SLC35F4: variants seen among roughly 807,000 people sequenced by gnomAD.
SLC35F4 encodes solute carrier family 35 member F4.
Under a neutral mutation model 44.2 loss-of-function variants are expected in SLC35F4, and 24 were observed. That is an observed-to-expected ratio of 0.54 (90% CI 0.39 to 0.76). SLC35F4 has a LOEUF of 0.76. Among genes scored for constraint, SLC35F4 ranks in the 30% least tolerant of loss-of-function variants. SLC35F4 has a pLI of 0.00. For missense variants in SLC35F4, 562 were observed against 586.1 expected (o/e 0.96, Z 0.42); for synonymous variants, 238 against 223.6 (o/e 1.06, Z -0.57).
Position 57,622,063 on chromosome 14 carries a change from A to T in SLC35F4, c.104-27939T>A, listed in dbSNP as rs965627999. On this transcript the variant is annotated intron_variant, in intron 1 of 7. Transcript: ENST00000556826. ...ATTTATGCAGCCAAAAAACACATGA[A>T]AAAATGCTCGCCATCACTGGCCATC... Among the ~76,000 whole-genome samples, 13 of 149,410 alleles carry T rather than the reference A, an allele frequency of 8.7e-5. 1 individual carries two copies. The highest frequency in any genetic ancestry group is 5.4e-4 in the Admixed American group (8 of 14,892).
At chr14:57,790,629 A>C (rs767416638) in intron 1 of SLC35F4, among the ~76,000 whole-genome samples, 2 of 152,190 alleles carry the variant, frequency 1.3e-5, no homozygotes, top group South Asian at 4.1e-4. Flanking sequence ...GAATTGGAAA[A>C]AACTACTTTA....
rs11847197 is a variant in SLC35F4, at chr14:57,960,128, A to G, written n.282+21785T>C. On this transcript the variant is annotated intron_variant and non_coding_transcript_variant, in intron 1 of 1. Transcript: ENST00000556568. ...AATGAGAATAGTTACCTTCTAGGAT[A>G]ACATGGTAAGGGTTATGTGTGAGCC... is the stretch of plus-strand genomic sequence containing the variant. Among the ~76,000 whole-genome samples the G allele has an allele frequency of 3.3e-3, 501 of 152,324 alleles. 3 individuals carry two copies. Among genetic ancestry groups the G allele is most frequent in the African/African-American group, 0.012 (482 of 41,560 alleles).
At chr14:57,608,214 C>T (rs2071279267) in intron 1 of SLC35F4, among the ~76,000 whole-genome samples, 2 of 152,144 alleles carry the variant, frequency 1.3e-5, no homozygotes, top group African/African-American at 4.8e-5. Context: ...CACTCTCCCT[C>T]CCCTCCGTCA....
At chr14:57,864,633 A>G (rs910125749) in intron 1 of SLC35F4, among the ~76,000 whole-genome samples, 12 of 152,230 alleles carry the variant, frequency 7.9e-5, no homozygotes, top group African/African-American at 2.7e-4. Flanking sequence ...CAGAAACTGT[A>G]ATGTTGATTG....
At chr14:57,631,439 T>C (rs1050641808) in intron 1 of SLC35F4, among the ~76,000 whole-genome samples, 33 of 152,154 alleles carry the variant, frequency 2.2e-4, no homozygotes, top group Non-Finnish European at 1.5e-4. Flanking sequence ...GATCATAATG[T>C]TGCTTAGTTT....
intron 1 of SLC35F4, among the ~76,000 whole-genome samples, chr14:57,652,168 A>G (rs62003994): frequency 0.068 from 10,383 of 152,320 alleles, 469 homozygotes; most frequent in South Asian, 0.096. Flanking sequence ...AACTTCATAC[A>G]TAAGTATGGA....
At chr14:57,928,000 T>A (rs1035403029) in intron 1 of SLC35F4, among the ~76,000 whole-genome samples, 1 of 151,966 alleles carries the variant, frequency 6.6e-6, no homozygotes, top group Non-Finnish European at 1.5e-5. Context: ...CATTTAAATT[T>A]GTGATGAAAG....
At chr14:57,924,872 C>T (rs771580458) in intron 1 of SLC35F4, among the ~76,000 whole-genome samples, 1 of 151,952 alleles carries the variant, frequency 6.6e-6, no homozygotes, top group Non-Finnish European at 1.5e-5. Flanking sequence ...GCCTCAAACT[C>T]CTGGACTCAA....
intron 1 of SLC35F4, among the ~76,000 whole-genome samples, chr14:57,883,122 C>T (rs190244737): frequency 3.4e-3 from 517 of 152,074 alleles, no homozygotes; most frequent in Non-Finnish European, 5.5e-3. Context: ...AAGAAGAATG[C>T]GACATGGAAC....
At chr14:57,940,807 T>C (rs1176400718) in intron 1 of SLC35F4, among the ~76,000 whole-genome samples, 2 of 152,130 alleles carry the variant, frequency 1.3e-5, no homozygotes, top group East Asian at 1.9e-4. Flanking sequence ...CTTCTCCCCC[T>C]ATCAAAATGT....
At chr14:57,689,631 A>G (rs74507115) in intron 1 of SLC35F4, among the ~76,000 whole-genome samples, 22,569 of 151,474 alleles carry the variant, frequency 0.15, 1,896 homozygotes, top group East Asian at 0.29. Context: ...AAAGACTATC[A>G]CAGGGACAAA....
At chr14:57,883,109 T>C (rs1888573633) in intron 1 of SLC35F4, among the ~76,000 whole-genome samples, 3 of 151,970 alleles carry the variant, frequency 2.0e-5, no homozygotes, top group Non-Finnish European at 1.5e-5. Flanking sequence ...AGCCCACTTA[T>C]TCAAGAAGAA....
downstream of SLC35F4, among the ~76,000 whole-genome samples, chr14:57,973,606 A>G (rs1443235125): frequency 6.6e-6 from 1 of 152,184 alleles, no homozygotes; most frequent in Non-Finnish European, 1.5e-5. Flanking sequence ...ATTATGGGAT[A>G]TGACTTGGGA....
At chr14:57,701,539 G>C (rs2075541745) in intron 1 of SLC35F4, among the ~76,000 whole-genome samples, 1 of 152,060 alleles carries the variant, frequency 6.6e-6, no homozygotes, top group Non-Finnish European at 1.5e-5. Context: ...GGCATAGTAG[G>C]TTGATTTACA....
intron 1 of SLC35F4, among the ~76,000 whole-genome samples, chr14:57,652,622 G>T (rs2073825848): frequency 6.6e-6 from 1 of 151,710 alleles, no homozygotes; most frequent in Non-Finnish European, 1.5e-5. Context: ...CAGTGCAGAG[G>T]ATAGTAACCC....
intron 1 of SLC35F4, among the ~76,000 whole-genome samples, chr14:57,970,921 T>C (rs117682221): frequency 0.01 from 1,539 of 152,350 alleles, 18 homozygotes; most frequent in Non-Finnish European, 0.017. Context: ...TCTGGATATG[T>C]TAATAGCTTA....
intron 1 of SLC35F4, among the ~76,000 whole-genome samples, chr14:57,889,915 G>A (rs1207636576): frequency 6.6e-6 from 1 of 152,148 alleles, no homozygotes; most frequent in Non-Finnish European, 1.5e-5. Context: ...CAGGGATGCA[G>A]TGGAGAGCAA....
rs1008732957 is a variant in SLC35F4, at chr14:57,889,993, C to A, written n.282+91920G>T. On this transcript the variant is annotated intron_variant and non_coding_transcript_variant, in intron 1 of 1. Coordinates refer to the SLC35F4 transcript ENST00000556568. Reference sequence around the variant, plus strand: ...GTGTGCTGGCTGATCATTTGTATTACTGTTCAGCAAATATTCACTCCCTGC... The same window carrying A: ...GTGTGCTGGCTGATCATTTGTATTAATGTTCAGCAAATATTCACTCCCTGC... Among the ~76,000 whole-genome samples, 6 of 152,184 alleles carry A rather than the reference C, an allele frequency of 3.9e-5. No individual in the cohort carries two copies. In the South Asian group the frequency reaches 1.2e-3, roughly 32 times the overall value.
At chr14:57,701,452 T>C (rs542191551) in intron 1 of SLC35F4, among the ~76,000 whole-genome samples, 10 of 152,198 alleles carry the variant, frequency 6.6e-5, no homozygotes, top group Non-Finnish European at 1.3e-4. Context: ...ACATAAACTG[T>C]TAACACAGTC....
Sources: gnomAD v4.1 joint callset for allele counts (sites outside exome capture counted in the v4.1 genomes callset) on GRCh38, gnomAD v4.1.1 for gene constraint, MANE v1.5 for transcripts, NCBI Gene and HGNC (gene_info 2026-07-23, HGNC 2026-07-21) for gene names.